KCNMB4: variants seen among roughly 807,000 people sequenced by gnomAD.
KCNMB4 encodes calcium-activated potassium channel subunit beta-4.
Under a neutral mutation model 20.7 loss-of-function variants are expected in KCNMB4, and 3 were observed. The ratio of observed to expected loss-of-function variants is 0.14; its 90% CI spans 0.07 to 0.37. The LOEUF (loss-of-function observed/expected upper bound fraction) is 0.37, where lower values mean the gene tolerates loss of function less well. KCNMB4 is among the 10% of genes least tolerant of loss of function. KCNMB4 has a pLI of 1.00. For missense variants in KCNMB4, 168 were observed against 265.9 expected (o/e 0.63, Z 2.56); for synonymous variants, 110 against 113.4 (o/e 0.97, Z 0.19).
In KCNMB4 at chr12:70,412,372, T is replaced by C. The variant is rs542725826; in HGVS notation, c.464+12036T>C. ...AAAAAGAGCCAGCTTCCTGGCACTCTTGTGGAATAGCTGCCCCTGCCCTGG... is the reference window on the plus strand; with the variant it reads ...AAAAAGAGCCAGCTTCCTGGCACTCCTGTGGAATAGCTGCCCCTGCCCTGG... On this transcript the variant is annotated intron_variant, in intron 2 of 2. Coordinates refer to ENST00000258111, the MANE Select transcript of KCNMB4 (RefSeq NM_014505.6). Among the ~76,000 whole-genome samples, 3 of 152,356 alleles carry C rather than the reference T, an allele frequency of 2.0e-5. No individual in the cohort carries two copies. In the South Asian group the frequency reaches 6.2e-4, roughly 32 times the overall value.
intron 1 of KCNMB4, among the ~76,000 whole-genome samples, chr12:70,396,944 C>T (rs1370744864): frequency 1.3e-5 from 2 of 152,178 alleles, no homozygotes; most frequent in Non-Finnish European, 2.9e-5. Flanking sequence ...CGATGATACA[C>T]TAAGTGAATT....
chr12:70,387,613 G>A (rs1311922289), intron 1 of KCNMB4, among the ~76,000 whole-genome samples: 1 of 151,930 alleles, frequency 6.6e-6, no homozygotes, highest in Non-Finnish European at 1.5e-5. Context: ...TGTTGGTAAG[G>A]CTGGTGTCAA....
intron 2 of KCNMB4, among the ~76,000 whole-genome samples, chr12:70,406,936 A>C (rs1868620280): frequency 6.6e-6 from 1 of 152,158 alleles, no homozygotes; most frequent in Non-Finnish European, 1.5e-5. Flanking sequence ...TCTGACACCA[A>C]ATGTGTGGGG....
intron 2 of KCNMB4, among the ~76,000 whole-genome samples, chr12:70,411,946 A>T (rs1868790793): frequency 6.6e-6 from 1 of 152,176 alleles, no homozygotes; most frequent in Non-Finnish European, 1.5e-5. Flanking sequence ...GGGTAGATTG[A>T]TAGAAGCCAA....
At chr12:70,386,436 AC>A (rs2136122545) in intron 1 of KCNMB4, among the ~76,000 whole-genome samples, 1 of 152,260 alleles carries the variant, frequency 6.6e-6, no homozygotes, top group East Asian at 1.9e-4. Context: ...CTATATGAAG[AC>A]TTTTAAACAT....
chr12:70,404,575 A>T (rs2870876), intron 2 of KCNMB4, among the ~76,000 whole-genome samples: 24,269 of 152,260 alleles, frequency 0.16, 2,222 homozygotes, highest in East Asian at 0.34. Flanking sequence ...CCCATCGACT[A>T]TCTGCTGGTC....
At chr12:70,419,470 AAAC>A (rs1196965714) in intron 2 of KCNMB4, among the ~76,000 whole-genome samples, 9 of 152,244 alleles carry the variant, frequency 5.9e-5, no homozygotes, top group Non-Finnish European at 1.0e-4. Context: ...AGCAGTATCA[AAAC>A]AACAAGAAGA....
At chr12:70,426,928 A>G (rs1565868341) in intron 2 of KCNMB4, among the ~76,000 whole-genome samples, 1 of 152,106 alleles carries the variant, frequency 6.6e-6, no homozygotes, top group East Asian at 1.9e-4. Context: ...TGTAGCCCTG[A>G]CCCAGGGCTT....
intron 1 of KCNMB4, among the ~76,000 whole-genome samples, chr12:70,395,640 C>G (rs1025949628): frequency 6.6e-6 from 1 of 152,124 alleles, no homozygotes; most frequent in African/African-American, 2.4e-5. Context: ...TCTTAATAAA[C>G]TCATTGGAAG....
intron 2 of KCNMB4, among the ~76,000 whole-genome samples, chr12:70,401,942 C>T (rs1868464477): frequency 6.6e-6 from 1 of 152,104 alleles, no homozygotes; most frequent in South Asian, 2.1e-4. Context: ...TGAAGCCAGC[C>T]GTATTCATGA....
Position 70,401,728 on chromosome 12 carries a change from C to T in KCNMB4, c.464+1392C>T, listed in dbSNP as rs572078572. Among the ~76,000 whole-genome samples the T allele has an allele frequency of 5.9e-5, 9 of 151,432 alleles. No individual in the cohort carries two copies. The East Asian group carries it at 1.8e-3, about 30-fold the overall frequency. ...ATAGCTGCATGGTTCAAGATGGCCTCCTCCCTCACATGCCCAGCAGTCAGT... is the reference window on the plus strand; with the variant it reads ...ATAGCTGCATGGTTCAAGATGGCCTTCTCCCTCACATGCCCAGCAGTCAGT... On this transcript the variant is annotated intron_variant, in intron 2 of 2. Coordinates refer to ENST00000258111, the MANE Select transcript of KCNMB4 (RefSeq NM_014505.6).
At chr12:70,387,257 T>G (rs1371347843) in intron 1 of KCNMB4, among the ~76,000 whole-genome samples, 1 of 152,142 alleles carries the variant, frequency 6.6e-6, no homozygotes, top group Non-Finnish European at 1.5e-5. Context: ...GCACGGGATA[T>G]TGGCTGTGAT....
In KCNMB4 at chr12:70,432,500, T is replaced by A. The variant is rs1869396171; in HGVS notation, c.*1847T>A. 6.6e-6 allele frequency: 1 copy of A among 152,214 alleles called. No individual in the cohort carries two copies. Among genetic ancestry groups the A allele is most frequent in the South Asian group, 2.1e-4 (1 of 4,824 alleles). 9.4% of individuals were successfully genotyped at this position (152,214 alleles called of 1,614,324 possible). On this transcript the variant is annotated 3_prime_UTR_variant, in exon 3 of 3. Coordinates refer to ENST00000258111, the MANE Select transcript of KCNMB4 (RefSeq NM_014505.6). The stretch of plus-strand genomic sequence containing the variant: ...ATCATAGCACACTGCAGCCTCAAGC[T>A]CCTGGGCTCAAGCGATCCCCCTCCC...
chr12:70,381,090 G>A (rs1198975724), intron 1 of KCNMB4, among the ~76,000 whole-genome samples: 1 of 150,746 alleles, frequency 6.6e-6, no homozygotes, highest in East Asian at 1.9e-4. Flanking sequence ...CAAAGGATGT[G>A]AATAGTTTTT....
chr12:70,389,987 C>A (rs1448805007), intron 1 of KCNMB4, among the ~76,000 whole-genome samples: 1 of 152,140 alleles, frequency 6.6e-6, no homozygotes, highest in African/African-American at 2.4e-5. Flanking sequence ...TTACTTGAAA[C>A]AAGTTTACTA....
intron 1 of KCNMB4, among the ~76,000 whole-genome samples, chr12:70,371,113 T>A (rs1488809923): frequency 1.3e-5 from 2 of 152,194 alleles, no homozygotes; most frequent in Non-Finnish European, 2.9e-5. Flanking sequence ...TGCCTCAGCC[T>A]CCCAAAGTGC....
In KCNMB4 at chr12:70,431,725, C is replaced by A. The variant is rs1593353074; in HGVS notation, c.*1072C>A. The A allele has an allele frequency of 6.6e-6, 1 of 152,128 alleles. No individual in the cohort carries two copies. The highest frequency in any genetic ancestry group is 2.1e-4 in the South Asian group (1 of 4,820). The allele number at this position is 152,128 out of a possible 1,614,324, so 9.4% of individuals were successfully genotyped here. A position where few individuals can be genotyped will look rare whatever the true frequency, so the allele number is the denominator to read the frequency against. ...AAAGTTGATTGAGAAGACCATATTT[C>A]TTTGTATCTTTTTATAAACTCAAAT... On this transcript the variant is annotated 3_prime_UTR_variant, in exon 3 of 3. Transcript: ENST00000258111.
chr12:70,406,201 TGTACA>T (rs1350840450), intron 2 of KCNMB4, among the ~76,000 whole-genome samples: 6 of 152,174 alleles, frequency 3.9e-5, no homozygotes, highest in Non-Finnish European at 7.3e-5. Context: ...TCTACAGACT[TGTACA>T]GTACAAGTCA....
intron 1 of KCNMB4, among the ~76,000 whole-genome samples, chr12:70,370,597 C>T (rs554151646): frequency 2.6e-5 from 4 of 151,928 alleles, no homozygotes; most frequent in African/African-American, 7.2e-5. Flanking sequence ...CATGAGCCAC[C>T]GCGCCCGGCC....
Sources: gnomAD v4.1 joint callset for allele counts (sites outside exome capture counted in the v4.1 genomes callset) on GRCh38, gnomAD v4.1.1 for gene constraint, MANE v1.5 for transcripts, NCBI Gene and HGNC (gene_info 2026-07-23, HGNC 2026-07-21) for gene names.